The following GABRD variants were observed in gnomAD, a reference collection of about 807,000 sequenced individuals.
The protein encoded by GABRD is gamma-aminobutyric acid receptor subunit delta.
GABRD carries 25 observed loss-of-function variants against 47.3 expected under a neutral mutation model. That is an observed-to-expected ratio of 0.53 (90% CI 0.39 to 0.74). The LOEUF is 0.74. Among genes scored for constraint, GABRD ranks in the 30% least tolerant of loss-of-function variants. The pLI is 0.00. For synonymous variants in GABRD, 314 were observed against 278.8 expected, an observed-to-expected ratio of 1.13 and a Z score of -1.26; for missense variants, 497 against 643.4, an observed-to-expected ratio of 0.77 and a Z score of 2.46.
chr1:2,020,559 C>G (rs759417410), intron 1 of GABRD, among the ~76,000 whole-genome samples: 1 of 152,170 alleles, frequency 6.6e-6, no homozygotes, highest in Non-Finnish European at 1.5e-5. Flanking sequence ...ACCGCGGGGT[C>G]GGCACTGCCC....
At chr1:2,025,242 G>A (rs1450576061) in intron 2 of GABRD, 92 bp from the exon 3 acceptor site, 8 of 1,478,940 alleles carry the variant, frequency 5.4e-6, no homozygotes, top group African/African-American at 4.2e-5. Context: ...CATGATGGCC[G>A]ACTGCCTGTG....
rs759215834 is a variant in GABRD, at chr1:2,029,752, C to T, written c.1049C>T (p.Pro350Leu). 6.8e-6 allele frequency: 11 copies of T among 1,612,752 alleles called. No individual in the cohort carries two copies. The highest frequency in any genetic ancestry group is 1.3e-5 in the African/African-American group (1 of 75,046). The change falls in exon 8 of 9, where the codon CCG becomes CTG. Residue 350 changes from proline (P) to leucine (L), a missense_variant. Physicochemically the swap from Pro to Leu is moderately conservative, Grantham distance 98. This residue lies in a region of GABRD where 285 missense variants were observed against 436.6 expected (regional missense o/e 0.65). Transcript: ENST00000378585. ...KQKAKVKVSR[P>L]RAEMDVRNAI... Reference sequence around the variant, plus strand: ...AAGGCCAAGGTCAAGGTCTCCAGGCCGAGGGCAGAGGTGAGGGCCTGGGGC... The same window carrying T: ...AAGGCCAAGGTCAAGGTCTCCAGGCTGAGGGCAGAGGTGAGGGCCTGGGGC...
In GABRD at chr1:2,030,125, C is replaced by G. The variant is rs116604393; in HGVS notation, c.1202C>G (p.Thr401Arg). The G allele has an allele frequency of 1.3e-6, 2 of 1,580,476 alleles. No individual in the cohort carries two copies. Among genetic ancestry groups the G allele is most frequent in the Non-Finnish European group, 1.7e-6 (2 of 1,162,122 alleles). Residue 401 changes from threonine (T) to arginine (R), a missense_variant, in exon 9 of 9, where the codon ACG becomes AGG. Around this residue, in one of 3 missense-constraint regions of GABRD, gnomAD observed 121 missense variants for 121.3 expected, o/e 1.00. Transcript: ENST00000378585. Reference sequence around the variant, plus strand: ...TCGGTGGGGGTGGAGACAGGGGAGACGAAGAAGGAGGGGGCAGCCCGCTCA... The same window carrying G: ...TCGGTGGGGGTGGAGACAGGGGAGAGGAAGAAGGAGGGGGCAGCCCGCTCA... ...YRSVGVETGE[T>R]KKEGAARSGG...
In GABRD at chr1:2,028,427, C is replaced by T. The variant is rs539966567; in HGVS notation, c.691+135C>T. On this transcript the variant is annotated intron_variant, in intron 6 of 8. Coordinates refer to ENST00000378585, the MANE Select transcript of GABRD (RefSeq NM_000815.5). The surrounding 1 kb of genome is among the most constrained non-coding windows in gnomAD (Gnocchi z 6.4). ...TTTTCATGCTTTTTAGTCAAGCGCCCGCAGGCCCCCAGGGCCTCTGGGGAT... is the reference window on the plus strand; with the variant it reads ...TTTTCATGCTTTTTAGTCAAGCGCCTGCAGGCCCCCAGGGCCTCTGGGGAT... 9 of 1,016,418 alleles carry T rather than the reference C, an allele frequency of 8.9e-6. No homozygotes were observed. The highest frequency in any genetic ancestry group is 3.7e-4 in the Middle Eastern group (1 of 2,694). The allele number at this position is 1,016,418 out of a possible 1,614,324, so 63.0% of individuals were successfully genotyped here. A position where few individuals can be genotyped will look rare whatever the true frequency, so the allele number is the denominator to read the frequency against.
chr1:2,030,411 G>A lies in GABRD; in HGVS notation c.*129G>A, dbSNP rs533237609. ...TCGAAGTGGGATGACAGTCGGCCAC[G>A]GAAAACAAGAGGAAGCCTCGGCCTC... On this transcript the variant is annotated 3_prime_UTR_variant, in exon 9 of 9. Coordinates refer to ENST00000378585, the MANE Select transcript of GABRD (RefSeq NM_000815.5). The A allele has an allele frequency of 5.6e-5, 47 of 838,150 alleles. 2 individuals are homozygous for A. In the South Asian group the frequency reaches 9.9e-4, roughly 18 times the overall value. The allele number at this position is 838,150 out of a possible 1,614,324, so 51.9% of individuals were successfully genotyped here. A position where few individuals can be genotyped will look rare whatever the true frequency, so the allele number is the denominator to read the frequency against.
In GABRD at chr1:2,028,189, G is replaced by T. The variant is rs1658981461; in HGVS notation, c.588G>T (p.Trp196Cys). 2 of 1,612,342 alleles carry T rather than the reference G, an allele frequency of 1.2e-6. No homozygotes were observed. Among genetic ancestry groups the T allele is most frequent in the Admixed American group, 3.3e-5 (2 of 59,970 alleles). Residue 196 changes from tryptophan (W) to cysteine (C), a missense_variant, in exon 6 of 9, where the codon TGG becomes TGT. Physicochemically the swap from Trp to Cys is radical, Grantham distance 215. Transcript: ENST00000378585. This position sits in a 1 kb window ranked among gnomAD's most constrained non-coding sequence, Gnocchi z 6.4. ...CATCGGAGGACATCGTCTACTACTG[G>T]TCGGAGAGCCAGGAGCACATCCACG... The part of the protein sequence containing the change: ...GYSSEDIVYY[W>C]SESQEHIHGL...
Position 2,025,023 on chromosome 1 carries a change from C to A in GABRD, c.150C>A (p.Gly50=). Reference sequence around the variant, plus strand: ...CCAACCTGGACGGGCTGATAGCCGGCTACGCCCGCAACTTCCGGCCTGGCA... The same window carrying A: ...CCAACCTGGACGGGCTGATAGCCGGATACGCCCGCAACTTCCGGCCTGGCA... ...WLPNLDGLIA[G]YARNFRPGIG... Residue 50 remains glycine, a synonymous_variant, in exon 2 of 9, where the codon GGC becomes GGA. Transcript: ENST00000378585. 1 of 1,612,676 alleles carries A rather than the reference C, an allele frequency of 6.2e-7. No individual in the cohort carries two copies. Among genetic ancestry groups the A allele is most frequent in the Non-Finnish European group, 8.5e-7 (1 of 1,179,778 alleles).
chr1:2,029,904 A>G (rs1571033052), intron 8 of GABRD, 79 bp from the exon 9 acceptor site: 1 of 1,570,222 alleles, frequency 6.4e-7, no homozygotes, highest in Non-Finnish European at 8.7e-7. Flanking sequence ...GGGCCCCCGC[A>G]TGGGAACACC....
intron 1 of GABRD, chr1:2,023,977 G>T (rs1222393902): frequency 1.3e-5 from 2 of 152,096 alleles, no homozygotes; most frequent in African/African-American, 4.8e-5. Context: ...TGGAAACCCT[G>T]GCCTCCCCTG....
At position 2,029,412 on chromosome 1, in the gene GABRD, A is replaced by G. The variant is rs533329827; in HGVS notation, c.848-139A>G. On this transcript the variant is annotated intron_variant, in intron 7 of 8. Coordinates refer to ENST00000378585, the MANE Select transcript of GABRD (RefSeq NM_000815.5). The stretch of plus-strand genomic sequence containing the variant: ...GTGGCCAGCCGGGCCAGGCCAGGTC[A>G]GGGAAACAGGACCTGCTCCCTGGGG... 5 of 1,154,690 alleles carry G rather than the reference A, an allele frequency of 4.3e-6. No individual in the cohort carries two copies. In the East Asian group the frequency reaches 1.3e-4, roughly 31 times the overall value. The allele number at this position is 1,154,690 out of a possible 1,614,324, so 71.5% of individuals were successfully genotyped here.
chr1:2,030,526 T>C lies in GABRD; in HGVS notation c.*244T>C. 2.5e-6 allele frequency: 1 copy of C among 393,720 alleles called. No homozygotes were observed. Among genetic ancestry groups the C allele is most frequent in the South Asian group, 1.1e-4 (1 of 9,494 alleles). 24.4% of individuals were successfully genotyped at this position (393,720 alleles called of 1,614,324 possible). A position where few individuals can be genotyped will look rare whatever the true frequency, so the allele number is the denominator to read the frequency against. On this transcript the variant is annotated 3_prime_UTR_variant, in exon 9 of 9. Transcript: ENST00000378585. ...ACCTGCACAGATGAAGGAGCAGAGGTTCTGACCGAGAGGCTGAGCCAGGCC... is the reference window on the plus strand; with the variant it reads ...ACCTGCACAGATGAAGGAGCAGAGGCTCTGACCGAGAGGCTGAGCCAGGCC...
Position 2,030,394 on chromosome 1 carries a change from G to C in GABRD, c.*112G>C. 6.1e-6 allele frequency: 6 copies of C among 976,506 alleles called. No individual in the cohort carries two copies. The South Asian group carries it at 1.3e-4, about 22-fold the overall frequency. 60.5% of individuals were successfully genotyped at this position (976,506 alleles called of 1,614,324 possible). A position where few individuals can be genotyped will look rare whatever the true frequency, so the allele number is the denominator to read the frequency against. On this transcript the variant is annotated 3_prime_UTR_variant, in exon 9 of 9. Transcript: ENST00000378585. Reference sequence around the variant, plus strand: ...CTTCCCCTCTGCGTGTTTCGAAGTGGGATGACAGTCGGCCACGGAAAACAA... The same window carrying C: ...CTTCCCCTCTGCGTGTTTCGAAGTGCGATGACAGTCGGCCACGGAAAACAA...
At chr1:2,025,287 A>G (rs754943110) in intron 2 of GABRD, 47 bp from the exon 3 acceptor site, 17 of 1,608,310 alleles carry the variant, frequency 1.1e-5, no homozygotes, top group Non-Finnish European at 1.4e-5. Flanking sequence ...CGTGGCTCCC[A>G]TGCTGGGCCG....
rs774394018 is a variant in GABRD, at chr1:2,028,327, C to T, written c.691+35C>T. On this transcript the variant is annotated intron_variant, in intron 6 of 8. Coordinates refer to ENST00000378585, the MANE Select transcript of GABRD (RefSeq NM_000815.5). This position sits in a 1 kb window ranked among gnomAD's most constrained non-coding sequence, Gnocchi z 6.4. ...GCCCGCCGCCCCTTCCGCATGTGCC[C>T]GCCGCCCCTTCCGCGCGCGCCCACC... 2.3e-5 allele frequency: 37 copies of T among 1,586,108 alleles called. No homozygotes were observed. The highest frequency in any genetic ancestry group is 3.4e-5 in the South Asian group (3 of 89,244).
Position 2,029,235 on chromosome 1 carries a change from C to G in GABRD, c.816C>G (p.Ser272Arg). 1 of 1,570,086 alleles carries G rather than the reference C, an allele frequency of 6.4e-7. No homozygotes were observed. Among genetic ancestry groups the G allele is most frequent in the Non-Finnish European group, 8.6e-7 (1 of 1,159,250 alleles). ...TGTCCTGGGTCTCCTTCTGGATCAG[C>G]CAGGCGGCGGTGCCCGCCAGGGTGT... ...VAMSWVSFWI[S>R]QAAVPARVSL... Residue 272 changes from serine (S) to arginine (R), a missense_variant, in exon 7 of 9, where the codon AGC becomes AGG. Ser to Arg is a moderately radical substitution (Grantham distance 110, BLOSUM62 -1). Coordinates refer to ENST00000378585, the MANE Select transcript of GABRD (RefSeq NM_000815.5).
chr1:2,019,599 C>G, intron 1 of GABRD, 108 bp downstream of exon 1: 1 of 634,680 alleles, frequency 1.6e-6, no homozygotes, highest in East Asian at 8.4e-5. Flanking sequence ...GGCCCCGGAC[C>G]CCAAGTCTGA....
intron 1 of GABRD, chr1:2,024,049 T>G (rs961535421): frequency 6.6e-6 from 1 of 152,350 alleles, no homozygotes; most frequent in Non-Finnish European, 1.5e-5. Flanking sequence ...CCCTCTTCTC[T>G]TCTAAGGACA....
intron 8 of GABRD, 70 bp from the exon 9 acceptor site, chr1:2,029,913 C>T (rs1438822571): frequency 2.5e-6 from 4 of 1,584,154 alleles, no homozygotes; most frequent in South Asian, 1.1e-5. Flanking sequence ...CATGGGAACA[C>T]CTGTGGTCCA....
In GABRD at chr1:2,028,156, C is replaced by T. The variant is rs201112862; in HGVS notation, c.555C>T (p.Tyr185=). 1.2e-4 allele frequency: 186 copies of T among 1,608,996 alleles called. 1 individual carries two copies. The East Asian group carries it at 3.0e-3, about 26-fold the overall frequency. The change falls in exon 6 of 9, where the codon TAC becomes TAT. Residue 185 remains tyrosine (Y), a splice_region_variant and synonymous_variant. Transcript: ENST00000378585. The surrounding 1 kb of genome is among the most constrained non-coding windows in gnomAD (Gnocchi z 6.4). ...EQECMLDLES[Y]GYSSEDIVYY... The stretch of plus-strand genomic sequence containing the variant: ...CCCACCTGTGTGCTTTTCCTCCAGA[C>T]GGTTACTCATCGGAGGACATCGTCT...
Sources: gnomAD v4.1 joint callset for allele counts (sites outside exome capture counted in the v4.1 genomes callset) on GRCh38, gnomAD v4.1.1 for gene constraint, gnomAD v4.1.1 regional missense constraint, Gnocchi (gnomAD v3.1) non-coding constraint, MANE v1.5 for transcripts, NCBI Gene and HGNC (gene_info 2026-07-23, HGNC 2026-07-21) for gene names.